Variants in ZBTB38 observed in about 807,000 individuals in gnomAD.
ZBTB38 encodes the protein zinc finger and BTB domain-containing protein 38.
A neutral mutation model predicts 76.8 loss-of-function variants in ZBTB38; 20 were observed. The ratio of observed to expected loss-of-function variants is 0.26; its 90% confidence interval spans 0.18 to 0.38. The LOEUF (loss-of-function observed/expected upper bound fraction) is 0.38, where lower values mean the gene tolerates loss of function less well. Among genes scored for constraint, ZBTB38 ranks in the 10% least tolerant of loss-of-function variants. ZBTB38 has a pLI of 1.00. For missense variants in ZBTB38, 1,082 were observed against 1,482.3 expected, an observed-to-expected ratio of 0.73 and a Z score of 4.43; for synonymous variants, 504 against 544.2, an observed-to-expected ratio of 0.93 and a Z score of 1.03.
At chr3:141,340,679 C>T (rs1240503263) in intron 1 of ZBTB38, among the ~76,000 whole-genome samples, 6 of 151,982 alleles carry the variant, frequency 3.9e-5, no homozygotes, top group African/African-American at 7.3e-5. Context: ...AGGCGGATCA[C>T]GAGGTCAGCA....
intron 1 of ZBTB38, among the ~76,000 whole-genome samples, chr3:141,348,712 TATC>T (rs1943434211): frequency 6.6e-6 from 1 of 152,244 alleles, no homozygotes; most frequent in African/African-American, 2.4e-5. Flanking sequence ...CCTGGCACTG[TATC>T]TGTCAAGAGC....
At chr3:141,432,358 GTTA>G in intron 5 of ZBTB38, 2 of 871,564 alleles carry the variant, frequency 2.3e-6, no homozygotes, top group Non-Finnish European at 2.8e-6. Flanking sequence ...CGATTCTGTT[GTTA>G]TTATGTACGT....
chr3:141,390,458 AC>A (rs2149325155), intron 4 of ZBTB38, among the ~76,000 whole-genome samples: 1 of 152,348 alleles, frequency 6.6e-6, no homozygotes, highest in Non-Finnish European at 1.5e-5. Flanking sequence ...ATACTATAAT[AC>A]CAAGATTGCA....
At chr3:141,377,871 G>T (rs1165168735) in intron 2 of ZBTB38, among the ~76,000 whole-genome samples, 1 of 152,170 alleles carries the variant, frequency 6.6e-6, no homozygotes, top group Admixed American at 6.6e-5. Context: ...TCCATTTAGA[G>T]AACGTTCTTG....
chr3:141,441,056 GAAAA>G (rs1411036860), intron 5 of ZBTB38, among the ~76,000 whole-genome samples: 46 of 147,160 alleles, frequency 3.1e-4, no homozygotes, highest in Non-Finnish European at 6.2e-4. Context: ...AAAAAGAAAA[GAAAA>G]AGAAAGAAAA....
At chr3:141,346,779 GTTT>G (rs1553760842) in intron 1 of ZBTB38, among the ~76,000 whole-genome samples, 2 of 85,584 alleles carry the variant, frequency 2.3e-5, no homozygotes, top group East Asian at 1.1e-3. Flanking sequence ...TTTTTGTTTT[GTTT>G]TGTGTGTGTG....
upstream of ZBTB38, among the ~76,000 whole-genome samples, chr3:141,368,039 C>G (rs1467125770): frequency 6.6e-6 from 1 of 152,158 alleles, no homozygotes; most frequent in African/African-American, 2.4e-5. Context: ...AGGAGCTGCC[C>G]GGGGATGGTG....
At chr3:141,409,033 G>A (rs1434586241) in intron 5 of ZBTB38, among the ~76,000 whole-genome samples, 2 of 152,026 alleles carry the variant, frequency 1.3e-5, no homozygotes, top group Non-Finnish European at 1.5e-5. Context: ...GTAGAGATGG[G>A]AGTTTATTTT....
chr3:141,415,198 A>T (rs143734130), intron 5 of ZBTB38, among the ~76,000 whole-genome samples: 48 of 152,242 alleles, frequency 3.2e-4, no homozygotes, highest in African/African-American at 1.1e-3. Context: ...GACGGACCAG[A>T]CATACAAGAA....
chr3:141,421,081 A>G (rs968696999), intron 5 of ZBTB38, among the ~76,000 whole-genome samples: 1 of 151,922 alleles, frequency 6.6e-6, no homozygotes, highest in Non-Finnish European at 1.5e-5. Context: ...ACTACTTGCT[A>G]TGTACTTGCT....
intron 5 of ZBTB38, among the ~76,000 whole-genome samples, chr3:141,429,804 A>G (rs1275202719): frequency 6.6e-6 from 1 of 152,240 alleles, no homozygotes; most frequent in Non-Finnish European, 1.5e-5. Context: ...GCAGTGCCGG[A>G]ACCGTGTGCA....
At chr3:141,411,172 T>G (rs1956490045) in intron 5 of ZBTB38, among the ~76,000 whole-genome samples, 1 of 152,238 alleles carries the variant, frequency 6.6e-6, no homozygotes, top group Admixed American at 6.5e-5. Context: ...ATTCATTATC[T>G]TGCCAGGCAA....
chr3:141,351,123 A>G (rs558885120), intron 1 of ZBTB38, among the ~76,000 whole-genome samples: 1 of 152,212 alleles, frequency 6.6e-6, no homozygotes, highest in Non-Finnish European at 1.5e-5. Context: ...GGGTTGTGTT[A>G]TCTCTAGGTC....
chr3:141,431,302 G>A (rs1476732423), intron 5 of ZBTB38, among the ~76,000 whole-genome samples: 1 of 130,636 alleles, frequency 7.7e-6, no homozygotes, highest in African/African-American at 3.6e-5. Flanking sequence ...CAGCCTGGGG[G>A]ACAAGAGCGA....
At chr3:141,405,061 T>C (rs990729886) in intron 5 of ZBTB38, among the ~76,000 whole-genome samples, 11 of 152,236 alleles carry the variant, frequency 7.2e-5, no homozygotes, top group African/African-American at 4.8e-5. Context: ...TTAAAACTTA[T>C]GCCCTCAATT....
At chr3:141,346,816 G>GTGTGTGTGTC (rs1553760841) in intron 1 of ZBTB38, among the ~76,000 whole-genome samples, 1 of 149,146 alleles carries the variant, frequency 6.7e-6, no homozygotes, top group Non-Finnish European at 1.5e-5. Context: ...GTGTGTGTGT[G>GTGTGTGTGTC]GTGCAATGCT....
chr3:141,436,744 CA>C (rs2078899691), intron 5 of ZBTB38, among the ~76,000 whole-genome samples: 1 of 152,180 alleles, frequency 6.6e-6, no homozygotes, highest in South Asian at 2.1e-4. Context: ...GTGATCCACC[CA>C]CCTTGGCCTC....
chr3:141,351,721 TAAA>T lies in ZBTB38; in HGVS notation c.-738-16880_-738-16878del, dbSNP rs11367112. 4.5e-3 allele frequency among the ~76,000 whole-genome samples: 549 copies of T among 123,142 alleles called. 6 individuals carry two copies. The highest frequency in any genetic ancestry group is 0.013 in the African/African-American group (435 of 34,278). The allele number at this position is 123,142 out of a possible 152,430, so 80.8% of individuals were successfully genotyped here. A position where few individuals can be genotyped will look rare whatever the true frequency, so the allele number is the denominator to read the frequency against. ...GGTAACAGAGCAAGACTCTGTCTCT[TAAA>T]AAAAAAAAAAAAAAAAAAAGTATTG... On this transcript the variant is annotated intron_variant, in intron 1 of 7. Transcript: ENST00000509842.
At position 141,361,100 on chromosome 3, in the gene ZBTB38, T is replaced by A. The variant is rs147138787; in HGVS notation, c.-738-7521T>A. Among the ~76,000 whole-genome samples the A allele has an allele frequency of 2.2e-3, 336 of 152,304 alleles. 1 individual carries two copies. Among genetic ancestry groups the A allele is most frequent in the African/African-American group, 7.7e-3 (321 of 41,570 alleles). ...AGGGAACTTTGTTTTCCTCTCCTCT[T>A]GACTTTGTTTCTGTTTCTGACCGCC... On this transcript the variant is annotated intron_variant, in intron 1 of 7. Transcript: ENST00000509842.
Sources: allele counts gnomAD v4.1 joint callset (sites outside exome capture counted in the v4.1 genomes callset), GRCh38; gene constraint gnomAD v4.1.1; transcripts MANE v1.5; gene names NCBI Gene and HGNC (gene_info 2026-07-23, HGNC 2026-07-21).